Variants in GRM7 observed in about 807,000 individuals in gnomAD.
The protein encoded by GRM7 is glutamate metabotropic receptor 7.
Under a neutral mutation model 84.5 loss-of-function variants are expected in GRM7, and 35 were observed. That is an observed-to-expected ratio of 0.41 (90% CI 0.32 to 0.55). GRM7 has a LOEUF of 0.55. Among genes scored for constraint, GRM7 ranks in the 20% least tolerant of loss-of-function variants. GRM7 has a pLI of 0.19. For missense variants in GRM7, 1,003 were observed against 1,194.6 expected (o/e 0.84, Z 2.36); for synonymous variants, 487 against 455.1 (o/e 1.07, Z -0.89).
chr3:7,720,257 G>C (rs1701899283), intron 9 of GRM7, among the ~76,000 whole-genome samples: 1 of 152,048 alleles, frequency 6.6e-6, no homozygotes, highest in Non-Finnish European at 1.5e-5. Flanking sequence ...ATTGTGACCT[G>C]GGCAATACCA....
intron 8 of GRM7, among the ~76,000 whole-genome samples, chr3:7,663,447 T>G (rs907206198): frequency 1.3e-5 from 2 of 152,174 alleles, no homozygotes; most frequent in African/African-American, 4.8e-5. Context: ...GCTGGTGAAC[T>G]TTCCAGCATC....
chr3:6,861,745 G>C lies in GRM7; in HGVS notation c.357G>C (p.Ser119=). 1 of 1,614,226 alleles carries C rather than the reference G, an allele frequency of 6.2e-7. No homozygotes were observed. Among genetic ancestry groups the C allele is most frequent in the Non-Finnish European group, 8.5e-7 (1 of 1,180,046 alleles). Residue 119 remains serine, a synonymous_variant, in exon 1 of 10, where the codon TCG becomes TCC. Coordinates refer to ENST00000357716, the MANE Select transcript of GRM7 (RefSeq NM_000844.4). The surrounding 1 kb of genome is among the most constrained non-coding windows in gnomAD (Gnocchi z 6.4). ...CSRDTYALEQ[S]LTFVQALIQK... is the part of the protein sequence containing the mutation. The stretch of plus-strand genomic sequence containing the variant: ...GGGACACTTACGCGCTCGAACAGTC[G>C]CTTACTTTCGTCCAGGCGCTCATCC...
intron 1 of GRM7, among the ~76,000 whole-genome samples, chr3:6,888,340 T>C (rs534779581): frequency 6.6e-6 from 1 of 152,346 alleles, no homozygotes; most frequent in South Asian, 2.1e-4. Context: ...GCTTAGGTTT[T>C]CTTCTAGGGT....
intron 4 of GRM7, among the ~76,000 whole-genome samples, chr3:7,375,387 T>G (rs1694307096): frequency 6.6e-6 from 1 of 151,916 alleles, no homozygotes; most frequent in African/African-American, 2.4e-5. Flanking sequence ...CCCCGCTAAT[T>G]TTTGTATTTT....
chr3:7,357,300 G>T (rs1693452520), intron 4 of GRM7, among the ~76,000 whole-genome samples: 1 of 151,778 alleles, frequency 6.6e-6, no homozygotes, highest in Admixed American at 6.6e-5. Flanking sequence ...AGCTTGTAAG[G>T]CTCCATGACA....
chr3:7,338,238 C>T (rs1387222261), intron 4 of GRM7, among the ~76,000 whole-genome samples: 1 of 151,738 alleles, frequency 6.6e-6, no homozygotes, highest in African/African-American at 2.4e-5. Context: ...CATGAAGTAA[C>T]TCAGAAATGG....
chr3:7,344,311 T>C (rs1456141823), intron 4 of GRM7, among the ~76,000 whole-genome samples: 1 of 152,212 alleles, frequency 6.6e-6, no homozygotes, highest in East Asian at 1.9e-4. Context: ...GTTCTCATTG[T>C]TTAGTTCCAA....
At chr3:7,373,008 G>A (rs1001455478) in intron 4 of GRM7, among the ~76,000 whole-genome samples, 3 of 152,076 alleles carry the variant, frequency 2.0e-5, no homozygotes, top group Non-Finnish European at 4.4e-5. Context: ...AGCATAATTA[G>A]AACAGCATAT....
intron 1 of GRM7, among the ~76,000 whole-genome samples, chr3:6,970,777 A>G (rs1391096845): frequency 6.6e-6 from 1 of 152,174 alleles, no homozygotes. Flanking sequence ...CAGGAGATCG[A>G]GACCATCCTG....
At position 7,598,334 on chromosome 3, in the gene GRM7, G is replaced by A. The variant is rs558274570; in HGVS notation, c.2451+18977G>A. Reference sequence around the variant, plus strand: ...GGGGAACAGTTAGAGAATACCTGGGGGAGGTTGAGGAGCACATGGATATCT... The same window carrying A: ...GGGGAACAGTTAGAGAATACCTGGGAGAGGTTGAGGAGCACATGGATATCT... On this transcript the variant is annotated intron_variant, in intron 8 of 9. Transcript: ENST00000357716. Among the ~76,000 whole-genome samples, 92 of 152,252 alleles carry A rather than the reference G, an allele frequency of 6.0e-4. No homozygotes were observed. The South Asian group carries it at 8.9e-3, about 15-fold the overall frequency.
chr3:7,314,129 T>C (rs530812976), intron 4 of GRM7, among the ~76,000 whole-genome samples: 1 of 152,128 alleles, frequency 6.6e-6, no homozygotes, highest in Non-Finnish European at 1.5e-5. Context: ...ACTGGGTAGA[T>C]TTTTCCTTTA....
intron 1 of GRM7, among the ~76,000 whole-genome samples, chr3:7,030,400 G>T (rs1411446692): frequency 6.6e-6 from 1 of 152,108 alleles, no homozygotes; most frequent in East Asian, 1.9e-4. Context: ...TCATTATCTT[G>T]ATTTTGGTGA....
At chr3:7,058,767 G>T (rs1697323102) in intron 1 of GRM7, among the ~76,000 whole-genome samples, 1 of 151,812 alleles carries the variant, frequency 6.6e-6, no homozygotes, top group African/African-American at 2.4e-5. Context: ...TGCTGTGTCT[G>T]GTTTCCATTC....
intron 1 of GRM7, among the ~76,000 whole-genome samples, chr3:7,054,337 T>C (rs1369194506): frequency 6.7e-6 from 1 of 149,426 alleles, no homozygotes; most frequent in East Asian, 2.0e-4. Context: ...ACATCTAATA[T>C]ATGATGATAT....
chr3:6,963,972 C>T (rs1309374314), intron 1 of GRM7, among the ~76,000 whole-genome samples: 1 of 152,144 alleles, frequency 6.6e-6, no homozygotes, highest in Non-Finnish European at 1.5e-5. Context: ...TTCATTTCAC[C>T]AACTTAATTT....
chr3:7,226,655 G>T (rs1026008492), intron 2 of GRM7, among the ~76,000 whole-genome samples: 1 of 152,150 alleles, frequency 6.6e-6, no homozygotes, highest in African/African-American at 2.4e-5. Flanking sequence ...CACCTTAGGT[G>T]TGTCCACCAT....
chr3:7,061,389 G>T (rs1697429289), intron 1 of GRM7, among the ~76,000 whole-genome samples: 1 of 151,708 alleles, frequency 6.6e-6, no homozygotes, highest in African/African-American at 2.4e-5. Context: ...TATGAGGTAG[G>T]ATATTTACAT....
chr3:7,067,062 A>G (rs1006771547), intron 1 of GRM7, among the ~76,000 whole-genome samples: 2 of 151,998 alleles, frequency 1.3e-5, no homozygotes, highest in Admixed American at 1.3e-4. Flanking sequence ...GACAGCCAAC[A>G]TAATACTGAA....
At chr3:7,356,158 T>C (rs1009513688) in intron 4 of GRM7, among the ~76,000 whole-genome samples, 3 of 152,058 alleles carry the variant, frequency 2.0e-5, no homozygotes, top group Non-Finnish European at 4.4e-5. Context: ...GGTCAGGGAC[T>C]TAGAAGGAGC....
Sources: allele counts gnomAD v4.1 joint callset (sites outside exome capture counted in the v4.1 genomes callset), GRCh38; gene constraint gnomAD v4.1.1; non-coding constraint Gnocchi (gnomAD v3.1); transcripts MANE v1.5; gene names NCBI Gene and HGNC (gene_info 2026-07-23, HGNC 2026-07-21).